The following CAV2 variants were observed in gnomAD, a reference collection of about 807,000 sequenced individuals.
CAV2 encodes the protein caveolin-2.
A neutral mutation model predicts 15.5 loss-of-function variants in CAV2; 7 were observed. That is an observed-to-expected ratio of 0.45 (90% CI 0.26 to 0.85). The LOEUF (loss-of-function observed/expected upper bound fraction) is 0.85, where lower values mean the gene tolerates loss of function less well. Ranked by LOEUF, CAV2 falls within the 40% of genes least tolerant of loss-of-function variation. The pLI, the probability that CAV2 is intolerant of heterozygous loss-of-function variation, is 0.18. For synonymous variants in CAV2, 76 were observed against 83.1 expected, an observed-to-expected ratio of 0.91 and a Z score of 0.46; for missense variants, 229 against 208.8, an observed-to-expected ratio of 1.10 and a Z score of -0.60.
chr7:116,504,172 A>T (rs1793179198), intron 2 of CAV2, among the ~76,000 whole-genome samples: 1 of 151,796 alleles, frequency 6.6e-6, no homozygotes, highest in South Asian at 2.1e-4. Context: ...TATTTTCATT[A>T]TATATTCTGC....
In CAV2 at chr7:116,506,026, A is replaced by G. The variant is rs1793227953; in HGVS notation, c.394A>G (p.Ile132Val). 3.1e-6 allele frequency: 5 copies of G among 1,613,768 alleles called. No individual in the cohort carries two copies. The highest frequency in any genetic ancestry group is 4.2e-6 in the Non-Finnish European group (5 of 1,179,744). Residue 132 changes from isoleucine (I) to valine (V), a missense_variant, in exon 3 of 3, where the codon ATA becomes GTA. Transcript: ENST00000222693. Reference protein sequence around the residue: ...CLMVLPSVQTIWKSVTDVIIA... With the variant: ...CLMVLPSVQTVWKSVTDVIIA... ...AATGGTTCTGCCTTCAGTGCAGACA[A>G]TATGGAAGAGTGTGACAGATGTTAT...
chr7:116,500,625 A>G, intron 2 of CAV2, 178 bp downstream of exon 2: 1 of 601,510 alleles, frequency 1.7e-6, no homozygotes, highest in Non-Finnish European at 2.9e-6. Context: ...TTAGAATAAC[A>G]GTTTGGGCTT....
At chr7:116,505,536 G>C (rs1463398650) in intron 2 of CAV2, among the ~76,000 whole-genome samples, 1 of 152,168 alleles carries the variant, frequency 6.6e-6, no homozygotes, top group Non-Finnish European at 1.5e-5. Flanking sequence ...TTTAGGCAAG[G>C]ACCTCAGGAA....
In CAV2 at chr7:116,506,047, G is replaced by A. The variant is rs1237766147; in HGVS notation, c.415G>A (p.Val139Ile). ...VQTIWKSVTDVIIAPLCTSVG... is the reference protein window; with the variant it reads ...VQTIWKSVTDIIIAPLCTSVG... ...GACAATATGGAAGAGTGTGACAGAT[G>A]TTATCATTGCTCCATTGTGTACGAG... The change falls in exon 3 of 3, where the codon GTT becomes ATT. Residue 139 changes from valine to isoleucine, a missense_variant. Physicochemically the swap from Val to Ile is conservative, Grantham distance 29. Coordinates refer to ENST00000222693, the MANE Select transcript of CAV2 (RefSeq NM_001233.5). The A allele has an allele frequency of 6.2e-7, 1 of 1,613,692 alleles. No homozygotes were observed. Among genetic ancestry groups the A allele is most frequent in the Non-Finnish European group, 8.5e-7 (1 of 1,179,720 alleles).
At position 116,500,296 on chromosome 7, in the gene CAV2, A is replaced by G. The variant is rs773078932; in HGVS notation, c.187A>G (p.Thr63Ala). 1.9e-6 allele frequency: 3 copies of G among 1,614,200 alleles called. No individual in the cohort carries two copies. In the South Asian group the frequency reaches 3.3e-5, roughly 18 times the overall value. Residue 63 changes from threonine to alanine, a missense_variant, in exon 2 of 3, where the codon ACG (threonine) becomes GCG (alanine). Coordinates refer to ENST00000222693, the MANE Select transcript of CAV2 (RefSeq NM_001233.5). ...GGATGTGATCGCAGAGCCGGTGACT[A>G]CGCACTCCTTTGACAAAGTGTGGAT... Reference protein sequence around the residue: ...FEDVIAEPVTTHSFDKVWICS... With the variant: ...FEDVIAEPVTAHSFDKVWICS...
Position 116,506,108 on chromosome 7 carries a change from T to C in CAV2, c.476T>C (p.Leu159Pro). 1.2e-6 allele frequency: 2 copies of C among 1,614,112 alleles called. No individual in the cohort carries two copies. The highest frequency in any genetic ancestry group is 1.7e-6 in the Non-Finnish European group (2 of 1,179,980). ...TGCTTCTCTTCTGTCAGCCTGCAAC[T>C]GAGCCAGGATTGAATACTTGGACCC... is the stretch of plus-strand genomic sequence containing the variant. ...GRCFSSVSLQ[L>P]SQD Residue 159 changes from leucine to proline, a missense_variant, in exon 3 of 3, where the codon CTG becomes CCG. Coordinates refer to ENST00000222693, the MANE Select transcript of CAV2 (RefSeq NM_001233.5).
At chr7:116,500,535 C>A (rs575254607) in intron 2 of CAV2, 88 bp downstream of exon 2, 2 of 1,342,340 alleles carry the variant, frequency 1.5e-6, no homozygotes, top group Non-Finnish European at 1.0e-6. Context: ...TTATCCCAGG[C>A]CGGCGTCAGG....
chr7:116,503,929 G>T (rs1793166567), intron 2 of CAV2, among the ~76,000 whole-genome samples: 1 of 105,282 alleles, frequency 9.5e-6, no homozygotes, highest in Non-Finnish European at 2.1e-5. Flanking sequence ...AAGGAAGGGA[G>T]GGAGGGAGGG....
rs1313109345 is a variant in CAV2 at position 116,500,286 on chromosome 7, G to A, written c.177G>A (p.Glu59=). 1.9e-6 allele frequency: 3 copies of A among 1,614,186 alleles called. No homozygotes were observed. Among genetic ancestry groups the A allele is most frequent in the Non-Finnish European group, 2.5e-6 (3 of 1,180,006 alleles). The change falls in exon 2 of 3, where the codon GAG becomes GAA. Residue 59 remains glutamate (E), a synonymous_variant. Transcript: ENST00000222693. The part of the protein sequence containing the change: ...LKLGFEDVIA[E]PVTTHSFDKV... Reference sequence around the variant, plus strand: ...TGGGCTTCGAGGATGTGATCGCAGAGCCGGTGACTACGCACTCCTTTGACA... The same window carrying A: ...TGGGCTTCGAGGATGTGATCGCAGAACCGGTGACTACGCACTCCTTTGACA...
intron 2 of CAV2, among the ~76,000 whole-genome samples, chr7:116,505,616 G>A (rs1793214835): frequency 1.3e-5 from 2 of 152,158 alleles, no homozygotes. Flanking sequence ...GCAAGAGAGA[G>A]AATGTGGAGG....
chr7:116,505,557 A>G (rs1793213672), intron 2 of CAV2, among the ~76,000 whole-genome samples: 1 of 152,180 alleles, frequency 6.6e-6, no homozygotes, highest in South Asian at 2.1e-4. Flanking sequence ...GCTTCCACTT[A>G]TAGTGGAAGG....
chr7:116,504,030 GAGAA>G (rs1793173463), intron 2 of CAV2, among the ~76,000 whole-genome samples: 1 of 95,880 alleles, frequency 1.0e-5, no homozygotes, highest in South Asian at 4.1e-4. Flanking sequence ...AAGAAAGAAA[GAGAA>G]AGAAAAAGAA....
At position 116,506,825 on chromosome 7, in the gene CAV2, A is replaced by G. The variant is rs956445197; in HGVS notation, c.*704A>G. 3.9e-5 allele frequency: 6 copies of G among 152,228 alleles called. No homozygotes were observed. Among genetic ancestry groups the G allele is most frequent in the African/African-American group, 1.2e-4 (5 of 41,458 alleles). 9.4% of individuals were successfully genotyped at this position (152,228 alleles called of 1,614,324 possible). A position where few individuals can be genotyped will look rare whatever the true frequency, so the allele number is the denominator to read the frequency against. ...ATTTATGTTGTTGAACTAATATATG[A>G]AATAAGTAAATGTAGCTCCCACAAG... On this transcript the variant is annotated 3_prime_UTR_variant, in exon 3 of 3. Transcript: ENST00000222693.
chr7:116,504,066 A>C (rs1178106430), intron 2 of CAV2, among the ~76,000 whole-genome samples: 1 of 152,068 alleles, frequency 6.6e-6, no homozygotes, highest in Admixed American at 6.5e-5. Context: ...GAAAGAAAGA[A>C]GGAAGGAATT....
At chr7:116,499,993 A>C (rs1209616631) in intron 1 of CAV2, 62 bp downstream of exon 1, 1 of 1,575,696 alleles carries the variant, frequency 6.3e-7, no homozygotes, top group Non-Finnish European at 8.6e-7. Context: ...GGCGCCCCTC[A>C]GCCCCGCCCT....
At chr7:116,503,903 GAGGGAGGGAGGAAGGAAGGA>G (rs1793163780) in intron 2 of CAV2, among the ~76,000 whole-genome samples, 2 of 29,530 alleles carry the variant, frequency 6.8e-5, no homozygotes, top group Non-Finnish European at 1.5e-4. Context: ...GGGAGGGAGG[GAGGGAGGGAGGAAGGAAGGA>G]AGGGAGGGAG....
chr7:116,505,665 A>G (rs1793215938), intron 2 of CAV2, among the ~76,000 whole-genome samples: 1 of 152,118 alleles, frequency 6.6e-6, no homozygotes, highest in African/African-American at 2.4e-5. Flanking sequence ...CAAGCAAACT[A>G]ACTGAGTGAG....
intron 2 of CAV2, 63 bp downstream of exon 2, chr7:116,500,510 C>T (rs1793078325): frequency 1.3e-6 from 2 of 1,488,522 alleles, no homozygotes; most frequent in Non-Finnish European, 9.2e-7. Flanking sequence ...CCGCCACCTG[C>T]CCCCTACTCT....
chr7:116,506,434 G>T lies in CAV2; in HGVS notation c.*313G>T. ...TAATGATGAACTTATAATGATTAAG[G>T]GACATTTCTATAAAAATACTACAAT... On this transcript the variant is annotated 3_prime_UTR_variant, in exon 3 of 3. Coordinates refer to ENST00000222693, the MANE Select transcript of CAV2 (RefSeq NM_001233.5). 4.5e-6 allele frequency: 1 copy of T among 224,388 alleles called. No individual in the cohort carries two copies. The highest frequency in any genetic ancestry group is 8.6e-6 in the Non-Finnish European group (1 of 116,196). The allele number at this position is 224,388 out of a possible 1,614,324, so 13.9% of individuals were successfully genotyped here. A position where few individuals can be genotyped will look rare whatever the true frequency, so the allele number is the denominator to read the frequency against.
Sources: allele counts gnomAD v4.1 joint callset (sites outside exome capture counted in the v4.1 genomes callset), GRCh38; gene constraint gnomAD v4.1.1; transcripts MANE v1.5; gene names NCBI Gene and HGNC (gene_info 2026-07-23, HGNC 2026-07-21).